Variants in MAP3K20 observed in about 807,000 individuals in gnomAD.
MAP3K20 encodes the protein mitogen-activated protein kinase kinase kinase 20.
A neutral mutation model predicts 85.7 loss-of-function variants in MAP3K20; 40 were observed. The ratio of observed to expected loss-of-function variants is 0.47; its 90% confidence interval spans 0.36 to 0.61. The LOEUF is 0.61. Ranked by LOEUF, MAP3K20 falls within the 20% of genes least tolerant of loss-of-function variation. The probability of loss-of-function intolerance (pLI) is 0.00; values close to 1 mark genes in which losing one functional copy is unlikely to be tolerated. For missense variants in MAP3K20, 817 were observed against 961.7 expected (o/e 0.85, Z 1.99); for synonymous variants, 325 against 327.7 (o/e 0.99, Z 0.09).
chr2:173,130,144 G>A (rs1392818890), intron 2 of MAP3K20, among the ~76,000 whole-genome samples: 1 of 152,312 alleles, frequency 6.6e-6, no homozygotes, highest in East Asian at 1.9e-4. Context: ...TCTGATGAAT[G>A]TGCAGAGATG....
chr2:173,155,044 C>T (rs1477247983), intron 2 of MAP3K20, among the ~76,000 whole-genome samples: 1 of 151,706 alleles, frequency 6.6e-6, no homozygotes, highest in African/African-American at 2.4e-5. Context: ...TTTCTTAGGC[C>T]TAGAGGATGG....
chr2:173,146,165 C>T (rs1247997162), intron 2 of MAP3K20, among the ~76,000 whole-genome samples: 1 of 151,762 alleles, frequency 6.6e-6, no homozygotes, highest in Non-Finnish European at 1.5e-5. Context: ...CACTTAAGGT[C>T]TGTGTATTTT....
chr2:173,108,962 G>T (rs1181928221), intron 2 of MAP3K20, among the ~76,000 whole-genome samples: 1 of 152,300 alleles, frequency 6.6e-6, no homozygotes, highest in Non-Finnish European at 1.5e-5. Flanking sequence ...CAGATTGGCA[G>T]TTCACCCCTC....
chr2:173,123,352 G>A (rs1688352998), intron 2 of MAP3K20, among the ~76,000 whole-genome samples: 1 of 152,128 alleles, frequency 6.6e-6, no homozygotes, highest in African/African-American at 2.4e-5. Context: ...CATATTCCCA[G>A]GGTTCTGCCA....
At chr2:173,158,424 T>C (rs1308549216) in intron 2 of MAP3K20, among the ~76,000 whole-genome samples, 1 of 152,220 alleles carries the variant, frequency 6.6e-6, no homozygotes, top group African/African-American at 2.4e-5. Flanking sequence ...GCAAGTAAGC[T>C]TGAGAAAATC....
intron 5 of MAP3K20, among the ~76,000 whole-genome samples, chr2:173,187,934 AG>A (rs1690537424): frequency 6.6e-6 from 1 of 152,214 alleles, no homozygotes; most frequent in Non-Finnish European, 1.5e-5. Flanking sequence ...TTATTTCCCT[AG>A]AATCATTTTC....
chr2:173,105,202 G>C (rs1445022170), intron 2 of MAP3K20, among the ~76,000 whole-genome samples: 1 of 152,220 alleles, frequency 6.6e-6, no homozygotes, highest in African/African-American at 2.4e-5. Context: ...GACCAGTTAT[G>C]GCTCTATTAC....
At chr2:173,134,269 G>C (rs536004339) in intron 2 of MAP3K20, among the ~76,000 whole-genome samples, 1 of 143,256 alleles carries the variant, frequency 7.0e-6, no homozygotes, top group Non-Finnish European at 1.5e-5. Flanking sequence ...TGGCTTACTG[G>C]CTTACTGCAA....
chr2:173,075,948 C>T lies in MAP3K20; in HGVS notation c.-89C>T, dbSNP rs1559220516. On this transcript the variant is annotated 5_prime_UTR_variant, in exon 1 of 20. Transcript: ENST00000375213. ...TCGTCCCAACCCCCGCCGCCCTCGT[C>T]GCGCGCGGGGCCTCCGCGCCCCCGG... 1 of 985,146 alleles carries T rather than the reference C, an allele frequency of 1.0e-6. No individual in the cohort carries two copies. The highest frequency in any genetic ancestry group is 1.2e-6 in the Non-Finnish European group (1 of 829,908). 61.0% of individuals were successfully genotyped at this position (985,146 alleles called of 1,614,324 possible). A position where few individuals can be genotyped will look rare whatever the true frequency, so the allele number is the denominator to read the frequency against.
At chr2:173,179,182 A>G (rs765468144) in intron 3 of MAP3K20, among the ~76,000 whole-genome samples, 2 of 152,206 alleles carry the variant, frequency 1.3e-5, no homozygotes, top group Middle Eastern at 3.4e-3. Context: ...TCACAAGGTC[A>G]GGAGATTGAG....
chr2:173,159,124 C>T (rs1689566711), intron 2 of MAP3K20, among the ~76,000 whole-genome samples: 1 of 152,208 alleles, frequency 6.6e-6, no homozygotes, highest in Non-Finnish European at 1.5e-5. Context: ...AATTTTTACT[C>T]ACCTAGTCCA....
At chr2:173,216,718 A>T (rs554665328) in intron 10 of MAP3K20, among the ~76,000 whole-genome samples, 1 of 152,322 alleles carries the variant, frequency 6.6e-6, no homozygotes, top group South Asian at 2.1e-4. Context: ...TAACCTGAAT[A>T]TCATTTTCCC....
intron 5 of MAP3K20, among the ~76,000 whole-genome samples, chr2:173,189,866 A>C (rs1285415516): frequency 1.3e-5 from 2 of 152,086 alleles, no homozygotes; most frequent in African/African-American, 4.8e-5. Context: ...GACTCGGTCA[A>C]CTTTTCTCCT....
intron 2 of MAP3K20, among the ~76,000 whole-genome samples, chr2:173,150,487 C>T (rs146801376): frequency 6.6e-6 from 1 of 152,324 alleles, no homozygotes; most frequent in Non-Finnish European, 1.5e-5. Context: ...CTATTGCTGT[C>T]AGTCTGTGGA....
chr2:173,146,708 C>G (rs1559251898), intron 2 of MAP3K20, among the ~76,000 whole-genome samples: 1 of 152,176 alleles, frequency 6.6e-6, no homozygotes, highest in African/African-American at 2.4e-5. Flanking sequence ...TCTCAATTCT[C>G]TTGAGTATAT....
At chr2:173,133,797 A>T (rs1688683440) in intron 2 of MAP3K20, among the ~76,000 whole-genome samples, 1 of 151,756 alleles carries the variant, frequency 6.6e-6, no homozygotes, top group African/African-American at 2.4e-5. Context: ...ATCCTGGCTA[A>T]CATGGTGAAA....
At chr2:173,192,398 A>T (rs1690683294) in intron 7 of MAP3K20, among the ~76,000 whole-genome samples, 1 of 152,218 alleles carries the variant, frequency 6.6e-6, no homozygotes, top group African/African-American at 2.4e-5. Flanking sequence ...ATAAAGATTA[A>T]TTTTGTTAGC....
intron 2 of MAP3K20, among the ~76,000 whole-genome samples, chr2:173,131,912 C>G (rs905702024): frequency 5.9e-5 from 9 of 152,166 alleles, no homozygotes; most frequent in Non-Finnish European, 1.3e-4. Context: ...GACTGAGTGT[C>G]TGATTCTTTG....
intron 2 of MAP3K20, among the ~76,000 whole-genome samples, chr2:173,140,301 C>T (rs796959318): frequency 9.9e-5 from 15 of 152,036 alleles, no homozygotes; most frequent in African/African-American, 2.7e-4. Flanking sequence ...TGAGCCACCA[C>T]GCCCAGCCAC....
Sources: gnomAD v4.1 joint callset for allele counts (sites outside exome capture counted in the v4.1 genomes callset) on GRCh38, gnomAD v4.1.1 for gene constraint, MANE v1.5 for transcripts, NCBI Gene and HGNC (gene_info 2026-07-23, HGNC 2026-07-21) for gene names.